Variants in SCYL2 observed in about 807,000 individuals in gnomAD.
SCYL2 encodes the protein SCY1 like pseudokinase 2.
SCYL2 carries 36 observed loss-of-function variants against 100.4 expected under a neutral mutation model. The ratio of observed to expected loss-of-function variants is 0.36; its 90% CI spans 0.27 to 0.47. The LOEUF (loss-of-function observed/expected upper bound fraction) is 0.47, where lower values mean the gene tolerates loss of function less well. SCYL2 is among the 20% of genes least tolerant of loss of function. The pLI, the probability that SCYL2 is intolerant of heterozygous loss-of-function variation, is 1.00. For synonymous variants in SCYL2, 330 were observed against 359.2 expected (o/e 0.92, Z 0.92); for missense variants, 902 against 1,083.9 (o/e 0.83, Z 2.36).
At chr12:100,292,491 G>A (rs1051633280) in intron 3 of SCYL2, among the ~76,000 whole-genome samples, 1 of 152,056 alleles carries the variant, frequency 6.6e-6, no homozygotes, top group African/African-American at 2.4e-5. Flanking sequence ...GTACAGTTTT[G>A]CTTTTATCTT....
At position 100,338,860 on chromosome 12, in the gene SCYL2, T is replaced by G. The variant is rs1204176142; in HGVS notation, c.2478T>G (p.Gly826=). ...NFNALSVPPA[G]AKQTQQRPTD... The stretch of plus-strand genomic sequence containing the variant: ...ATGCTTTGAGTGTTCCTCCTGCTGG[T>G]GCAAAGCAGACCCAACAAAGACCCA... Residue 826 remains glycine, a synonymous_variant, in exon 18 of 18, where the codon GGT becomes GGG. Transcript: ENST00000360820. 3 of 1,614,146 alleles carry G rather than the reference T, an allele frequency of 1.9e-6. No homozygotes were observed. Among genetic ancestry groups the G allele is most frequent in the South Asian group, 1.1e-5 (1 of 91,080 alleles).
intron 1 of SCYL2, among the ~76,000 whole-genome samples, chr12:100,273,361 G>A (rs1235047597): frequency 2.0e-5 from 3 of 152,064 alleles, no homozygotes; most frequent in Admixed American, 6.6e-5. Context: ...ATAACACTGT[G>A]CATGTATATT....
chr12:100,301,348 A>C (rs531694084), intron 4 of SCYL2, among the ~76,000 whole-genome samples: 8 of 151,936 alleles, frequency 5.3e-5, no homozygotes, highest in South Asian at 2.1e-4. Context: ...TCAGATTATT[A>C]GTTTTTTTTT....
intron 10 of SCYL2, among the ~76,000 whole-genome samples, chr12:100,320,600 C>T (rs1440762945): frequency 7.7e-6 from 1 of 129,378 alleles, no homozygotes; most frequent in East Asian, 2.7e-4. Context: ...AAATAAAGTT[C>T]CTCATCCTGT....
Position 100,339,177 on chromosome 12 carries a change from TCTTA to T in SCYL2, c.*9_*12del, listed in dbSNP as rs1406020462. On this transcript the variant is annotated 3_prime_UTR_variant, in exon 18 of 18. Transcript: ENST00000360820. ...TTAAAAGATCTTTTTGGGTGAGGTG[TCTTA>T]CTTCTATTTTGAAGGATTATTTCAG... is the stretch of plus-strand genomic sequence containing the variant. 3 of 1,607,216 alleles carry T rather than the reference TCTTA, an allele frequency of 1.9e-6. No homozygotes were observed. The highest frequency in any genetic ancestry group is 1.7e-5 in the Admixed American group (1 of 59,224).
chr12:100,290,563 G>T (rs1465024886), intron 2 of SCYL2, among the ~76,000 whole-genome samples: 1 of 152,010 alleles, frequency 6.6e-6, no homozygotes, highest in Non-Finnish European at 1.5e-5. Context: ...CAGAACAGAA[G>T]AAAATAATTA....
rs903209296 is a variant in SCYL2, at chr12:100,315,547, T to C, written c.1096-11T>C. The C allele has an allele frequency of 1.3e-6, 2 of 1,562,050 alleles. No individual in the cohort carries two copies. The highest frequency in any genetic ancestry group is 2.8e-5 in the African/African-American group (2 of 72,532). Reference sequence around the variant, plus strand: ...TTTATTTTTTTTTTAAAAAACATTTTTGCCTTTCAGCGTGTCATTGTGCAG... The same window carrying C: ...TTTATTTTTTTTTTAAAAAACATTTCTGCCTTTCAGCGTGTCATTGTGCAG... On this transcript the variant is annotated splice_polypyrimidine_tract_variant and intron_variant, in intron 8 of 17. Transcript: ENST00000360820.
chr12:100,327,011 A>G (rs1952139018), intron 12 of SCYL2, among the ~76,000 whole-genome samples: 1 of 152,194 alleles, frequency 6.6e-6, no homozygotes, highest in Non-Finnish European at 1.5e-5. Flanking sequence ...ATAAAATGGT[A>G]CAAAGTGAGA....
intron 5 of SCYL2, among the ~76,000 whole-genome samples, 194 bp from the exon 6 acceptor site, chr12:100,312,238 A>G (rs971766827): frequency 1.3e-5 from 2 of 152,236 alleles, no homozygotes; most frequent in African/African-American, 2.4e-5. Context: ...CAGTAATCTC[A>G]GTTGTAACGG....
At chr12:100,323,011 G>A (rs1207041446) in intron 10 of SCYL2, among the ~76,000 whole-genome samples, 1 of 145,824 alleles carries the variant, frequency 6.9e-6, no homozygotes, top group African/African-American at 2.5e-5. Context: ...CTGGGTGACA[G>A]AGCAAGGTCC....
chr12:100,285,821 A>G (rs1275697463), intron 2 of SCYL2, among the ~76,000 whole-genome samples: 1 of 152,140 alleles, frequency 6.6e-6, no homozygotes, highest in Non-Finnish European at 1.5e-5. Context: ...TCTTTGTTGT[A>G]AATACTTATT....
At chr12:100,273,905 T>C (rs1386342555) in intron 1 of SCYL2, among the ~76,000 whole-genome samples, 1 of 152,226 alleles carries the variant, frequency 6.6e-6, no homozygotes, top group Non-Finnish European at 1.5e-5. Context: ...CGGCATTTAA[T>C]ATATAGCTTG....
intron 3 of SCYL2, 108 bp downstream of exon 3, chr12:100,291,768 C>G: frequency 1.9e-6 from 2 of 1,069,088 alleles, no homozygotes; most frequent in Non-Finnish European, 2.7e-6. Flanking sequence ...TTCTTATACT[C>G]TAAGTGTTGA....
intron 3 of SCYL2, among the ~76,000 whole-genome samples, chr12:100,295,039 G>A (rs1319489609): frequency 6.7e-4 from 100 of 149,046 alleles, no homozygotes; most frequent in Middle Eastern, 3.5e-3. Flanking sequence ...CCGGGCAGAG[G>A]CGCTCCTCAC....
chr12:100,335,968 A>G, intron 16 of SCYL2, 62 bp downstream of exon 16: 1 of 1,234,290 alleles, frequency 8.1e-7, no homozygotes, highest in Non-Finnish European at 1.2e-6. Flanking sequence ...CCTGTAAACC[A>G]CAGATTTTTG....
At chr12:100,295,351 G>A (rs983774668) in intron 3 of SCYL2, among the ~76,000 whole-genome samples, 4 of 152,222 alleles carry the variant, frequency 2.6e-5, no homozygotes, top group African/African-American at 4.8e-5. Flanking sequence ...GCAGGCGGCT[G>A]GGAGGTAGAG....
intron 5 of SCYL2, 35 bp from the exon 6 acceptor site, chr12:100,312,397 T>G (rs1372631012): frequency 7.0e-7 from 1 of 1,434,042 alleles, no homozygotes; most frequent in Admixed American, 1.7e-5. Flanking sequence ...TGGTTGAATT[T>G]GAAGTAACCC....
Position 100,340,033 on chromosome 12 carries a change from T to A in SCYL2, c.*861T>A, listed in dbSNP as rs1055265020. On this transcript the variant is annotated 3_prime_UTR_variant, in exon 18 of 18. Coordinates refer to ENST00000360820, the MANE Select transcript of SCYL2 (RefSeq NM_017988.6). ...CTTCTGAGGTTGCAGCATATATGAATTGCATTTTCAAAAGAAGATTTGTAA... is the reference window on the plus strand; with the variant it reads ...CTTCTGAGGTTGCAGCATATATGAAATGCATTTTCAAAAGAAGATTTGTAA... 1 of 152,618 alleles carries A rather than the reference T, an allele frequency of 6.6e-6. No homozygotes were observed. Among genetic ancestry groups the A allele is most frequent in the African/African-American group, 2.4e-5 (1 of 41,472 alleles). The allele number at this position is 152,618 out of a possible 1,614,324, so 9.5% of individuals were successfully genotyped here. A position where few individuals can be genotyped will look rare whatever the true frequency, so the allele number is the denominator to read the frequency against.
intron 3 of SCYL2, among the ~76,000 whole-genome samples, chr12:100,295,488 G>A (rs966645339): frequency 2.6e-5 from 4 of 152,092 alleles, no homozygotes; most frequent in Admixed American, 6.5e-5. Flanking sequence ...TCGCGGTTAG[G>A]AGCTGGAGAC....
Sources: allele counts gnomAD v4.1 joint callset (sites outside exome capture counted in the v4.1 genomes callset), GRCh38; gene constraint gnomAD v4.1.1; transcripts MANE v1.5; gene names NCBI Gene and HGNC (gene_info 2026-07-23, HGNC 2026-07-21).